MYH15: variants seen among roughly 807,000 people sequenced by gnomAD.
The protein encoded by MYH15 is myosin heavy chain 15.
A neutral mutation model predicts 240.5 loss-of-function variants in MYH15; 227 were observed. The ratio of observed to expected loss-of-function variants is 0.94; its 90% CI spans 0.85 to 1.05. The LOEUF is 1.05. MYH15 is among the 50% of genes least tolerant of loss of function. The pLI is 0.00. For synonymous variants in MYH15, 785 were observed against 796.7 expected, an observed-to-expected ratio of 0.99 and a Z score of 0.25; for missense variants, 2,217 against 2,247.5, an observed-to-expected ratio of 0.99 and a Z score of 0.27.
At chr3:108,517,210 C>G (rs1443529144) in intron 1 of MYH15, among the ~76,000 whole-genome samples, 1 of 152,186 alleles carries the variant, frequency 6.6e-6, no homozygotes, top group Non-Finnish European at 1.5e-5. Flanking sequence ...TATCTCCCAG[C>G]GTTTGCTGGC....
chr3:108,494,286 T>A (rs2083375366), intron 7 of MYH15, among the ~76,000 whole-genome samples: 1 of 152,188 alleles, frequency 6.6e-6, no homozygotes, highest in Non-Finnish European at 1.5e-5. Flanking sequence ...TAAATATGTA[T>A]GTGTGCACAT....
intron 36 of MYH15, among the ~76,000 whole-genome samples, chr3:108,393,048 G>C (rs537938665): frequency 6.6e-6 from 1 of 152,306 alleles, no homozygotes; most frequent in African/African-American, 2.4e-5. Flanking sequence ...TGGTGCAATG[G>C]TTTTGTTTAG....
chr3:108,498,054 G>A lies in MYH15; in HGVS notation c.616C>T (p.Gln206Ter), dbSNP rs201549171. The change falls in exon 6 of 41, where the codon CAG becomes TAG. Residue 206 changes from glutamine to a stop codon, truncating the protein, a stop_gained and splice_region_variant. Coordinates refer to ENST00000693548, the MANE Select transcript of MYH15 (RefSeq NM_014981.3). LOFTEE classifies it high-confidence loss of function. ...IAAMIESRKKQGALEDQIMQA... is the reference protein window; with the variant it reads ...IAAMIESRKK The stretch of plus-strand genomic sequence containing the variant: ...TACCAAGCTATATAAACACTTACCT[G>A]CTTTTTCCTGGATTCAATCATGGCT... 1.9e-4 allele frequency: 308 copies of A among 1,613,460 alleles called. No homozygotes were observed. Among genetic ancestry groups the A allele is most frequent in the Middle Eastern group, 4.9e-4 (3 of 6,084 alleles).
chr3:108,389,193 T>C, intron 37 of MYH15, 119 bp from the exon 38 acceptor site: 1 of 813,180 alleles, frequency 1.2e-6, no homozygotes, highest in Non-Finnish European at 2.0e-6. Context: ...CACACTGTTT[T>C]TGGTGCTTAA....
chr3:108,385,428 T>C (rs903539836), intron 38 of MYH15, among the ~76,000 whole-genome samples: 2 of 152,206 alleles, frequency 1.3e-5, no homozygotes, highest in Non-Finnish European at 2.9e-5. Flanking sequence ...CCCATTCTCA[T>C]TGCCTCAATT....
At position 108,398,859 on chromosome 3, in the gene MYH15, G is replaced by T. The variant is rs1182305043; in HGVS notation, c.4930-19C>A. On this transcript the variant is annotated intron_variant, in intron 34 of 40. Transcript: ENST00000693548. ...GAAGGTCCTGGGAGAGAAAAGATGG[G>T]TCTGGAGTACAGATCCCTCTGAGTT... The T allele has an allele frequency of 6.2e-7, 1 of 1,608,502 alleles. No individual in the cohort carries two copies. Among genetic ancestry groups the T allele is most frequent in the South Asian group, 1.1e-5 (1 of 90,958 alleles).
In MYH15 at chr3:108,398,674, A is replaced by C; in HGVS notation, c.5096T>G (p.Leu1699Arg). ...RGRRLSEEEL[L>R]EATERINLFY... ...AAGATTGATTCTTTCTGTTGCTTCCAGGAGCTCTTCTTCTGACAGCCTGCG... is the reference window on the plus strand; with the variant it reads ...AAGATTGATTCTTTCTGTTGCTTCCCGGAGCTCTTCTTCTGACAGCCTGCG... The change falls in exon 35 of 41, where the codon CTG becomes CGG. Residue 1699 changes from leucine to arginine, a missense_variant. Physicochemically the swap from Leu to Arg is moderately radical, Grantham distance 102. Transcript: ENST00000693548. 1 of 1,613,824 alleles carries C rather than the reference A, an allele frequency of 6.2e-7. No homozygotes were observed. The highest frequency in any genetic ancestry group is 8.5e-7 in the Non-Finnish European group (1 of 1,180,044).
At chr3:108,549,979 A>G in the MYH15 span, 25 of 152,116 alleles carry the variant, frequency 1.6e-4, no homozygotes, top group Admixed American at 3.9e-4. Flanking sequence ...TCCTCTATAG[A>G]ACAAATAGTA....
chr3:108,428,859 T>C lies in MYH15; in HGVS notation c.3335A>G (p.Glu1112Gly). The C allele has an allele frequency of 6.2e-7, 1 of 1,610,108 alleles. No homozygotes were observed. The highest frequency in any genetic ancestry group is 8.5e-7 in the Non-Finnish European group (1 of 1,179,050). The part of the protein sequence containing the change: ...ELQTQIKDLK[E>G]KLEAERTTRA... ...AGTGGTCCTTTCAGCTTCTAGTTTC[T>C]CTTTCAAATCCTTTATTTGAGTCTG... Residue 1112 changes from glutamate (E) to glycine (G), a missense_variant, in exon 27 of 41, where the codon GAG becomes GGG. By Grantham distance (98) the Glu-to-Gly change is moderately conservative. Coordinates refer to ENST00000693548, the MANE Select transcript of MYH15 (RefSeq NM_014981.3).
chr3:108,473,818 A>G (rs1448982071), intron 12 of MYH15, among the ~76,000 whole-genome samples: 1 of 152,300 alleles, frequency 6.6e-6, no homozygotes, highest in Non-Finnish European at 1.5e-5. Flanking sequence ...TCACCTTGGG[A>G]TGGTATCTCC....
chr3:108,405,381 C>A lies in MYH15; in HGVS notation c.4693G>T (p.Glu1565Ter). ...LELLEAKAEL[E>*]RKLSEKDEEI... is the part of the protein sequence containing the mutation. Reference sequence around the variant, plus strand: ...TCATCTTTCTCTGAAAGCTTTCTTTCAAGTTCTGCTTTAGCTTCCAAGAGT... The same window carrying A: ...TCATCTTTCTCTGAAAGCTTTCTTTAAAGTTCTGCTTTAGCTTCCAAGAGT... Residue 1565 changes from glutamate (E) to a stop codon, truncating the protein, a stop_gained, in exon 33 of 41, where the codon GAA becomes TAA. Transcript: ENST00000693548. LOFTEE classifies it high-confidence loss of function. The A allele has an allele frequency of 6.6e-7, 1 of 1,516,870 alleles. No homozygotes were observed. The highest frequency in any genetic ancestry group is 1.3e-5 in the South Asian group (1 of 74,148). 94.0% of individuals were successfully genotyped at this position (1,516,870 alleles called of 1,614,324 possible).
At chr3:108,506,593 G>A (rs2083477750) in intron 1 of MYH15, among the ~76,000 whole-genome samples, 1 of 152,128 alleles carries the variant, frequency 6.6e-6, no homozygotes, top group Admixed American at 6.6e-5. Context: ...TAAAAAATAT[G>A]ATTTTAAGGG....
intron 28 of MYH15, 46 bp downstream of exon 28, chr3:108,421,042 G>T (rs1234025623): frequency 1.9e-6 from 3 of 1,610,462 alleles, no homozygotes; most frequent in Non-Finnish European, 1.7e-6. Context: ...TCATGAGTCT[G>T]CTGGGATTGA....
the MYH15 span, among the ~76,000 whole-genome samples, chr3:108,538,638 T>C: frequency 6.6e-6 from 1 of 152,140 alleles, no homozygotes; most frequent in Admixed American, 6.5e-5. Flanking sequence ...TCATAGAAAT[T>C]TGAAATAAAG....
At chr3:108,405,568 A>C (rs1184001516) in intron 32 of MYH15, 115 bp from the exon 33 acceptor site, 3 of 518,866 alleles carry the variant, frequency 5.8e-6, no homozygotes, top group Non-Finnish European at 9.7e-6. Context: ...GGAGAGATAT[A>C]GGTTCAAGCC....
At chr3:108,494,037 G>C (rs1470384698) in intron 7 of MYH15, among the ~76,000 whole-genome samples, 3 of 152,238 alleles carry the variant, frequency 2.0e-5, no homozygotes, top group Admixed American at 6.5e-5. Flanking sequence ...CAGCTGAGGA[G>C]GTGGCACCAT....
rs1024468519 is a variant in MYH15, at chr3:108,399,167, C to T, written c.4837G>A (p.Asp1613Asn). 75 of 1,614,080 alleles carry T rather than the reference C, an allele frequency of 4.6e-5. No homozygotes were observed. The highest frequency in any genetic ancestry group is 6.3e-5 in the Non-Finnish European group (74 of 1,180,038). Residue 1613 changes from aspartate to asparagine, a missense_variant, in exon 34 of 41, where the codon GAC (aspartate) becomes AAC (asparagine). By Grantham distance (23) the Asp-to-Asn change is conservative (BLOSUM62 1). Transcript: ENST00000693548. The stretch of plus-strand genomic sequence containing the variant: ...AGCTGGAGTTCCATCTCATTGAGGT[C>T]CTCTTCCATCTTCTTCTTCAGCCGG... ...VTRLKKKMEE[D>N]LNEMELQLSC...
Position 108,381,499 on chromosome 3 carries a change from C to A in MYH15, c.*46G>T. 4 of 1,609,416 alleles carry A rather than the reference C, an allele frequency of 2.5e-6. No homozygotes were observed. The highest frequency in any genetic ancestry group is 3.4e-6 in the Non-Finnish European group (4 of 1,175,900). On this transcript the variant is annotated 3_prime_UTR_variant, in exon 41 of 41. Transcript: ENST00000693548. ...CTAAGTTTTTGGCCATGAAACAGCACCTTCCTTGTACTTCTCCAGCTGTTG... is the reference window on the plus strand; with the variant it reads ...CTAAGTTTTTGGCCATGAAACAGCAACTTCCTTGTACTTCTCCAGCTGTTG...
chr3:108,392,046 T>C, intron 36 of MYH15, 116 bp from the exon 37 acceptor site: 1 of 1,120,558 alleles, frequency 8.9e-7, no homozygotes, highest in East Asian at 2.4e-5. Context: ...TCTATGTATG[T>C]GATCTCTTCC....
Sources: gnomAD v4.1 joint callset for allele counts (sites outside exome capture counted in the v4.1 genomes callset) on GRCh38, gnomAD v4.1.1 for gene constraint, MANE v1.5 for transcripts, NCBI Gene and HGNC (gene_info 2026-07-23, HGNC 2026-07-21) for gene names.